Variants in CALD1 observed in about 807,000 individuals in gnomAD.
The protein encoded by CALD1 is caldesmon.
A neutral mutation model predicts 99.9 loss-of-function variants in CALD1; 33 were observed. The observed-to-expected ratio is 0.33, with a 90% confidence interval of 0.25 to 0.44. The LOEUF is 0.44. Among genes scored for constraint, CALD1 ranks in the 20% least tolerant of loss-of-function variants. CALD1 has a pLI of 1.00. For synonymous variants in CALD1, 310 were observed against 325.0 expected (o/e 0.95, Z 0.50); for missense variants, 861 against 962.1 (o/e 0.89, Z 1.39).
chr7:134,957,412 G>T (rs1467516298), intron 9 of CALD1, among the ~76,000 whole-genome samples: 1 of 143,946 alleles, frequency 6.9e-6, no homozygotes, highest in East Asian at 2.1e-4. Context: ...TTTGTTTGTT[G>T]TTGTTGCATT....
At chr7:134,767,349 T>C (rs545416498) in intron 1 of CALD1, among the ~76,000 whole-genome samples, 1 of 152,238 alleles carries the variant, frequency 6.6e-6, no homozygotes, top group Admixed American at 6.5e-5. Context: ...CGCAGCAATC[T>C]CTTTAAAAAT....
intron 3 of CALD1, among the ~76,000 whole-genome samples, chr7:134,916,566 A>C (rs1285748877): frequency 2.6e-5 from 4 of 152,176 alleles, no homozygotes; most frequent in Non-Finnish European, 5.9e-5. Context: ...CTGAGAATTC[A>C]CTCAGCTGAC....
chr7:134,774,030 T>G (rs998048729), intron 1 of CALD1, among the ~76,000 whole-genome samples: 1 of 151,706 alleles, frequency 6.6e-6, no homozygotes, highest in Non-Finnish European at 1.5e-5. Flanking sequence ...ATTAGCCGGG[T>G]GTGGTGGTGG....
intron 3 of CALD1, among the ~76,000 whole-genome samples, chr7:134,891,901 C>G (rs1325919106): frequency 6.6e-6 from 1 of 152,050 alleles, no homozygotes; most frequent in Non-Finnish European, 1.5e-5. Flanking sequence ...TTTCTCGTTT[C>G]CATTTTAATG....
the CALD1 span, among the ~76,000 whole-genome samples, chr7:134,712,711 GA>G: frequency 1.3e-5 from 2 of 152,226 alleles, no homozygotes; most frequent in Non-Finnish European, 2.9e-5. Context: ...TGCTCAAAGG[GA>G]TTCTTCCTAC....
intron 1 of CALD1, among the ~76,000 whole-genome samples, chr7:134,836,129 GTGAGACT>G (rs1799426866): frequency 7.2e-6 from 1 of 139,284 alleles, no homozygotes; most frequent in African/African-American, 2.7e-5. Flanking sequence ...TGGTGACAGA[GTGAGACT>G]TCATCTCAAA....
intron 7 of CALD1, 50 bp downstream of exon 7, chr7:134,941,287 A>G: frequency 6.8e-7 from 1 of 1,466,838 alleles, no homozygotes; most frequent in Non-Finnish European, 9.2e-7. Flanking sequence ...TGCAAAGAAA[A>G]AAAAAAAAAA....
chr7:134,774,169 CAA>C (rs5887704), intron 1 of CALD1, among the ~76,000 whole-genome samples: 33 of 135,934 alleles, frequency 2.4e-4, no homozygotes, highest in Admixed American at 5.7e-4. Flanking sequence ...GATTCCATCT[CAA>C]AAAAAAAAAA....
At chr7:134,752,723 G>T (rs1360072157) in intron 1 of CALD1, among the ~76,000 whole-genome samples, 1 of 152,140 alleles carries the variant, frequency 6.6e-6, no homozygotes, top group Non-Finnish European at 1.5e-5. Context: ...TTTTCAGGCT[G>T]GGCGCAGTGG....
intron 7 of CALD1, among the ~76,000 whole-genome samples, chr7:134,941,803 G>C (rs1806465870): frequency 6.6e-6 from 1 of 152,080 alleles, no homozygotes; most frequent in African/African-American, 2.4e-5. Context: ...GAGGGAGTGA[G>C]AGGTATGGAC....
chr7:134,857,690 G>A (rs1800376968), intron 2 of CALD1, among the ~76,000 whole-genome samples: 1 of 152,114 alleles, frequency 6.6e-6, no homozygotes, highest in Non-Finnish European at 1.5e-5. Context: ...AAGGGACATA[G>A]CAGATAACAT....
chr7:134,805,288 T>C (rs1214063377), intron 1 of CALD1, among the ~76,000 whole-genome samples: 2 of 152,204 alleles, frequency 1.3e-5, no homozygotes, highest in East Asian at 1.9e-4. Flanking sequence ...AAACCAACTC[T>C]CTGATTTTGT....
At chr7:134,869,445 T>C (rs533428474) in intron 3 of CALD1, among the ~76,000 whole-genome samples, 28 of 152,150 alleles carry the variant, frequency 1.8e-4, no homozygotes, top group Admixed American at 1.1e-3. Context: ...CTGGAAGAGA[T>C]AGTATGGTAA....
chr7:134,856,572 G>A (rs771246694), intron 2 of CALD1, among the ~76,000 whole-genome samples: 6 of 152,124 alleles, frequency 3.9e-5, no homozygotes, highest in Admixed American at 2.0e-4. Context: ...CAAAGGCTGC[G>A]GAAATTTGAA....
chr7:134,785,149 A>G (rs1202338980), intron 1 of CALD1, among the ~76,000 whole-genome samples: 5 of 152,168 alleles, frequency 3.3e-5, no homozygotes, highest in African/African-American at 1.2e-4. Flanking sequence ...GAATCATTTG[A>G]ATTTTGAGGT....
At chr7:134,945,426 C>T (rs546376710) in intron 7 of CALD1, among the ~76,000 whole-genome samples, 23 of 152,224 alleles carry the variant, frequency 1.5e-4, no homozygotes, top group Non-Finnish European at 2.6e-4. Context: ...CATAACAAAA[C>T]GTATTTAATT....
chr7:134,964,634 G>C (rs923667299), intron 13 of CALD1, among the ~76,000 whole-genome samples: 1 of 152,096 alleles, frequency 6.6e-6, no homozygotes, highest in African/African-American at 2.4e-5. Context: ...CAGTCAGGCT[G>C]GTGTGCACTA....
chr7:134,950,263 C>T lies in CALD1; in HGVS notation c.1795-111C>T, dbSNP rs954468842. On this transcript the variant is annotated intron_variant, in intron 8 of 14. Transcript: ENST00000361675. ...GACCACCTAGAAGGGGAGTGTCCAG[C>T]CTGCGGCCTGAGTCTGCTGCCTCTC... The T allele has an allele frequency of 4.9e-6, 5 of 1,013,528 alleles. No individual in the cohort carries two copies. The African/African-American group carries it at 6.4e-5, about 13-fold the overall frequency. The allele number at this position is 1,013,528 out of a possible 1,614,324, so 62.8% of individuals were successfully genotyped here. A position where few individuals can be genotyped will look rare whatever the true frequency, so the allele number is the denominator to read the frequency against.
At chr7:134,824,601 C>A (rs761472419) in intron 1 of CALD1, among the ~76,000 whole-genome samples, 36 of 152,148 alleles carry the variant, frequency 2.4e-4, no homozygotes, top group Non-Finnish European at 4.6e-4. Context: ...TTTCTCTTAA[C>A]CTTTCAAGCC....
Sources: gnomAD v4.1 joint callset for allele counts (sites outside exome capture counted in the v4.1 genomes callset) on GRCh38, gnomAD v4.1.1 for gene constraint, MANE v1.5 for transcripts, NCBI Gene and HGNC (gene_info 2026-07-23, HGNC 2026-07-21) for gene names.